The following NOC3L variants were observed in gnomAD, a reference collection of about 807,000 sequenced individuals.
NOC3L encodes nucleolar complex protein 3 homolog.
In NOC3L, 85 loss-of-function variants were observed where a neutral mutation model predicts 102.5. The ratio of observed to expected loss-of-function variants is 0.83; its 90% CI spans 0.70 to 0.99. The LOEUF (loss-of-function observed/expected upper bound fraction) is 0.99. NOC3L is among the 50% of genes least tolerant of loss of function. The probability of loss-of-function intolerance (pLI) is 0.00; values close to 1 mark genes in which losing one functional copy is unlikely to be tolerated. For synonymous variants in NOC3L, 303 were observed against 309.4 expected (o/e 0.98, Z 0.22); for missense variants, 878 against 914.9 (o/e 0.96, Z 0.52).
chr10:94,325,180 A>G, the NOC3L span: 1 of 1,052,296 alleles, frequency 9.5e-7, no homozygotes, highest in Non-Finnish European at 1.5e-6. Flanking sequence ...AATTAGTACA[A>G]TGTCTTTTAT....
At position 94,346,530 on chromosome 10, in the gene NOC3L, T is replaced by G. The variant is rs367908588; in HGVS notation, c.1284A>C (p.Arg428Ser). Residue 428 changes from arginine to serine, a missense_variant, in exon 11 of 21, where the codon AGA becomes AGC. Arg to Ser is a moderately radical substitution (Grantham distance 110). Coordinates refer to ENST00000371361, the MANE Select transcript of NOC3L (RefSeq NM_022451.11). ...CTTTTTTCACTTCTACTTCCTTGAT[T>G]CTTAGGCATAAAAATGTTTTTAACA... ...PEMLKTFLCLRIKEVEVKKDT... is the reference protein window; with the variant it reads ...PEMLKTFLCLSIKEVEVKKDT... The G allele has an allele frequency of 2.8e-6, 4 of 1,424,838 alleles. No individual in the cohort carries two copies. In the African/African-American group the frequency reaches 5.9e-5, roughly 21 times the overall value. 88.3% of individuals were successfully genotyped at this position (1,424,838 alleles called of 1,614,324 possible). A position where few individuals can be genotyped will look rare whatever the true frequency, so the allele number is the denominator to read the frequency against.
Position 94,337,883 on chromosome 10 carries a change from A to C in NOC3L, c.2092-9T>G, listed in dbSNP as rs2054240284. The C allele has an allele frequency of 1.3e-6, 2 of 1,595,316 alleles. No homozygotes were observed. Among genetic ancestry groups the C allele is most frequent in the Non-Finnish European group, 1.7e-6 (2 of 1,163,196 alleles). ...ATGGGATGATAATGCCTCTGAAGGG[A>C]AAACGGGACAATCACATTCTGCACA... On this transcript the variant is annotated splice_polypyrimidine_tract_variant and intron_variant, in intron 18 of 20. Coordinates refer to ENST00000371361, the MANE Select transcript of NOC3L (RefSeq NM_022451.11).
At chr10:94,315,145 T>A in the NOC3L span, 1 of 299,222 alleles carries the variant, frequency 3.3e-6, no homozygotes, top group Non-Finnish European at 6.6e-6. Flanking sequence ...CTATAGTATT[T>A]GCCTTGGCCC....
At chr10:94,345,532 T>C (rs1171092733) in intron 11 of NOC3L, among the ~76,000 whole-genome samples, 1 of 152,210 alleles carries the variant, frequency 6.6e-6, no homozygotes, top group Non-Finnish European at 1.5e-5. Flanking sequence ...GAAAAATTGT[T>C]TCCTTCTCTC....
intron 19 of NOC3L, among the ~76,000 whole-genome samples, chr10:94,335,769 C>T (rs906689063): frequency 2.0e-5 from 3 of 152,116 alleles, no homozygotes; most frequent in East Asian, 1.9e-4. Flanking sequence ...CCAGAAAAAT[C>T]GGCCTGGCCC....
At chr10:94,351,422 A>G (rs774023644) in intron 8 of NOC3L, among the ~76,000 whole-genome samples, 5 of 152,130 alleles carry the variant, frequency 3.3e-5, no homozygotes, top group Admixed American at 6.5e-5. Context: ...TATTTTTTCT[A>G]TGTCCTTCCT....
intron 19 of NOC3L, among the ~76,000 whole-genome samples, chr10:94,335,625 CT>C (rs1564907767): frequency 6.6e-6 from 1 of 152,188 alleles, no homozygotes; most frequent in African/African-American, 2.4e-5. Context: ...TGACTGACTA[CT>C]GTCATGTAAA....
the NOC3L span, chr10:94,316,849 G>A: frequency 1.1e-6 from 1 of 894,848 alleles, no homozygotes; most frequent in Non-Finnish European, 1.9e-6. Context: ...AGAATTTCTT[G>A]TAATTGCAAC....
At chr10:94,336,939 GGTGCCT>G (rs2133983455) in intron 19 of NOC3L, among the ~76,000 whole-genome samples, 1 of 151,566 alleles carries the variant, frequency 6.6e-6, no homozygotes, top group South Asian at 2.1e-4. Flanking sequence ...CATGGTGGCG[GGTGCCT>G]GTAATCCCAG....
At chr10:94,360,083 C>T (rs1231570903) in intron 2 of NOC3L, among the ~76,000 whole-genome samples, 4 of 152,000 alleles carry the variant, frequency 2.6e-5, no homozygotes, top group Non-Finnish European at 4.4e-5. Context: ...TTTGGGAGGC[C>T]AAGGCGGGCA....
intron 13 of NOC3L, among the ~76,000 whole-genome samples, chr10:94,342,369 C>T (rs570539144): frequency 6.6e-6 from 1 of 152,226 alleles, no homozygotes; most frequent in South Asian, 2.1e-4. Flanking sequence ...GTCAGGACAT[C>T]TCTTCAATAT....
chr10:94,328,778 G>T (rs533359903), downstream of NOC3L: 2 of 151,694 alleles, frequency 1.3e-5, no homozygotes, highest in African/African-American at 2.4e-5. Flanking sequence ...ATAATATTGG[G>T]TTTTTTTTAA....
At position 94,338,595 on chromosome 10, in the gene NOC3L, G is replaced by C; in HGVS notation, c.2091+13C>G. The C allele has an allele frequency of 6.7e-7, 1 of 1,501,670 alleles. No individual in the cohort carries two copies. The highest frequency in any genetic ancestry group is 8.9e-7 in the Non-Finnish European group (1 of 1,119,196). 93.0% of individuals were successfully genotyped at this position (1,501,670 alleles called of 1,614,324 possible). ...AACATCCCCAAAAAGAAAAAAACCA[G>C]GGCCACTCTTACCCGCAGAGCATGC... On this transcript the variant is annotated intron_variant, in intron 18 of 20. Transcript: ENST00000371361.
the NOC3L span, among the ~76,000 whole-genome samples, chr10:94,323,532 A>G: frequency 6.6e-6 from 1 of 152,260 alleles, no homozygotes; most frequent in Non-Finnish European, 1.5e-5. Flanking sequence ...CCAGCAAAAC[A>G]CTACATGGTA....
At chr10:94,349,951 G>T (rs1298575202) in intron 9 of NOC3L, among the ~76,000 whole-genome samples, 162 bp downstream of exon 9, 1 of 151,964 alleles carries the variant, frequency 6.6e-6, no homozygotes, top group African/African-American at 2.4e-5. Flanking sequence ...GTAGAGATGG[G>T]GTTTCACCAT....
chr10:94,344,533 C>T lies in NOC3L; in HGVS notation c.1471-18G>A, dbSNP rs1353884791. On this transcript the variant is annotated intron_variant, in intron 12 of 20. Transcript: ENST00000371361. ...TCTGTGTGCTGGCAGAGGAGACAGA[C>T]AAAATGACTTTAGGATAACCTGGTA... 1 of 1,554,656 alleles carries T rather than the reference C, an allele frequency of 6.4e-7. No homozygotes were observed. Among genetic ancestry groups the T allele is most frequent in the Non-Finnish European group, 8.9e-7 (1 of 1,127,542 alleles).
chr10:94,346,149 C>T (rs2133995211), intron 11 of NOC3L, among the ~76,000 whole-genome samples: 1 of 152,276 alleles, frequency 6.6e-6, no homozygotes, highest in Middle Eastern at 3.4e-3. Flanking sequence ...ATCTGTGTAT[C>T]ATAACTCTAA....
intron 14 of NOC3L, among the ~76,000 whole-genome samples, chr10:94,341,278 T>C (rs1201773351): frequency 6.6e-6 from 1 of 152,002 alleles, no homozygotes; most frequent in Non-Finnish European, 1.5e-5. Flanking sequence ...TATTTCAAAA[T>C]AGCTAGGAGG....
chr10:94,327,307 G>C, the NOC3L span, among the ~76,000 whole-genome samples: 4,100 of 151,154 alleles, frequency 0.027, 183 homozygotes, highest in African/African-American at 0.091. Flanking sequence ...GAAGTTTAGA[G>C]TTTAGGACCA....
Sources: gnomAD v4.1 joint callset for allele counts (sites outside exome capture counted in the v4.1 genomes callset) on GRCh38, gnomAD v4.1.1 for gene constraint, MANE v1.5 for transcripts, NCBI Gene and HGNC (gene_info 2026-07-23, HGNC 2026-07-21) for gene names.